Variants in MCTP2 observed in about 807,000 individuals in gnomAD.
MCTP2 encodes multiple C2 and transmembrane domain-containing protein 2.
MCTP2 carries 132 observed loss-of-function variants against 111.6 expected under a neutral mutation model. That is an observed-to-expected ratio of 1.18 (90% CI 1.03 to 1.37). The LOEUF (loss-of-function observed/expected upper bound fraction) is 1.37. Ranked by LOEUF, MCTP2 falls within the 40% of genes most tolerant of loss-of-function variation. The probability of loss-of-function intolerance (pLI) is 0.00; values close to 1 mark genes in which losing one functional copy is unlikely to be tolerated. For missense variants in MCTP2, 1,183 were observed against 1,067.9 expected, an observed-to-expected ratio of 1.11 and a Z score of -1.50; for synonymous variants, 395 against 387.7, an observed-to-expected ratio of 1.02 and a Z score of -0.22.
chr15:94,281,033 G>C (rs975945340), intron 1 of MCTP2, among the ~76,000 whole-genome samples: 3 of 152,112 alleles, frequency 2.0e-5, no homozygotes, highest in African/African-American at 7.2e-5. Flanking sequence ...AGATGAGAAT[G>C]TATATTCTGT....
chr15:94,259,536 T>C (rs2073053480), intron 1 of MCTP2, among the ~76,000 whole-genome samples: 1 of 152,206 alleles, frequency 6.6e-6, no homozygotes, highest in African/African-American at 2.4e-5. Flanking sequence ...CTATTTCTGT[T>C]CTATGTAGTA....
intron 17 of MCTP2, among the ~76,000 whole-genome samples, chr15:94,410,206 A>C (rs2082094294): frequency 6.6e-6 from 1 of 152,096 alleles, no homozygotes; most frequent in Non-Finnish European, 1.5e-5. Context: ...GCTAAAACAC[A>C]CACACACACT....
chr15:94,285,968 A>C (rs1262435368), intron 1 of MCTP2, among the ~76,000 whole-genome samples: 1 of 152,174 alleles, frequency 6.6e-6, no homozygotes, highest in East Asian at 1.9e-4. Flanking sequence ...ACGTGGTATA[A>C]TTTTAAATAG....
intron 17 of MCTP2, among the ~76,000 whole-genome samples, chr15:94,414,909 C>A (rs2082307156): frequency 6.6e-6 from 1 of 152,060 alleles, no homozygotes; most frequent in African/African-American, 2.4e-5. Flanking sequence ...GAGATCTGGA[C>A]CTACCACCAG....
chr15:94,397,027 G>A (rs572208087), intron 14 of MCTP2, among the ~76,000 whole-genome samples: 2 of 152,250 alleles, frequency 1.3e-5, no homozygotes, highest in South Asian at 2.1e-4. Context: ...CCAAATTCCT[G>A]TCTAATTTAT....
chr15:94,321,827 G>A lies in MCTP2; in HGVS notation c.637+6190G>A, dbSNP rs369617101. Among the ~76,000 whole-genome samples the A allele has an allele frequency of 5.9e-5, 9 of 152,126 alleles. No homozygotes were observed. In the East Asian group the frequency reaches 9.6e-4, roughly 16 times the overall value. On this transcript the variant is annotated intron_variant, in intron 4 of 22. Transcript: ENST00000357742. The stretch of plus-strand genomic sequence containing the variant: ...GCCTTACTGATAACATAAACAGCCC[G>A]TTGGCATATATTTTGTATATGTATT...
At chr15:94,461,912 A>T (rs918249257) in intron 20 of MCTP2, among the ~76,000 whole-genome samples, 5 of 152,202 alleles carry the variant, frequency 3.3e-5, no homozygotes, top group African/African-American at 7.2e-5. Context: ...ATCAAGAGTG[A>T]CATGTCAAAA....
chr15:94,366,890 G>A (rs11634470), intron 10 of MCTP2, among the ~76,000 whole-genome samples: 1 of 152,068 alleles, frequency 6.6e-6, no homozygotes, highest in Admixed American at 6.6e-5. Flanking sequence ...GTATTTAAAT[G>A]TGTTTGAGGT....
chr15:94,245,189 C>G (rs2071727393), intron 1 of MCTP2, among the ~76,000 whole-genome samples: 2 of 142,868 alleles, frequency 1.4e-5, no homozygotes. Flanking sequence ...TTTATACACA[C>G]ATATGTATGT....
intron 17 of MCTP2, among the ~76,000 whole-genome samples, chr15:94,411,704 G>C (rs970692466): frequency 6.6e-6 from 1 of 152,078 alleles, no homozygotes; most frequent in Non-Finnish European, 1.5e-5. Context: ...ATGTGTTTTA[G>C]AGGGAGATTT....
At chr15:94,450,230 T>G (rs959292144) in intron 19 of MCTP2, among the ~76,000 whole-genome samples, 4 of 152,244 alleles carry the variant, frequency 2.6e-5, no homozygotes, top group African/African-American at 9.6e-5. Context: ...CTATTTTATA[T>G]TCATTTCCCA....
chr15:94,417,017 T>C (rs1239218658), intron 17 of MCTP2, among the ~76,000 whole-genome samples: 2 of 152,168 alleles, frequency 1.3e-5, no homozygotes, highest in African/African-American at 4.8e-5. Flanking sequence ...CAAAGTTTTA[T>C]TGTTTAGAAG....
intron 1 of MCTP2, among the ~76,000 whole-genome samples, chr15:94,243,696 TGC>T (rs2071340898): frequency 1.4e-5 from 2 of 140,756 alleles, no homozygotes; most frequent in South Asian, 4.4e-4. Flanking sequence ...CACATACATA[TGC>T]GTATATACAC....
At chr15:94,360,558 A>G (rs1335799239) in intron 10 of MCTP2, among the ~76,000 whole-genome samples, 2 of 152,224 alleles carry the variant, frequency 1.3e-5, no homozygotes, top group African/African-American at 2.4e-5. Flanking sequence ...CAGTGGGAAC[A>G]GGGGCCTCCT....
intron 3 of MCTP2, 134 bp from the exon 4 acceptor site, chr15:94,315,391 TAGTG>T (rs750934651): frequency 4.9e-5 from 30 of 609,488 alleles, no homozygotes; most frequent in Non-Finnish European, 8.5e-5. Context: ...CAAGTTGTCA[TAGTG>T]AGGAGGAGTT....
At chr15:94,402,080 G>A (rs1322119858) in intron 17 of MCTP2, 61 bp downstream of exon 17, 13 of 1,585,520 alleles carry the variant, frequency 8.2e-6, no homozygotes, top group Non-Finnish European at 1.0e-5. Context: ...TCATCTTTCT[G>A]AAATATATTA....
At chr15:94,344,757 T>G (rs993011434) in intron 7 of MCTP2, among the ~76,000 whole-genome samples, 5 of 152,226 alleles carry the variant, frequency 3.3e-5, no homozygotes, top group Admixed American at 1.3e-4. Context: ...GTCATGAATT[T>G]CTTAAACATT....
intron 10 of MCTP2, among the ~76,000 whole-genome samples, chr15:94,364,249 G>A (rs2079076028): frequency 6.6e-6 from 1 of 151,924 alleles, no homozygotes; most frequent in Admixed American, 6.6e-5. Context: ...ATGGTACAAG[G>A]GCTGATTTTA....
intron 12 of MCTP2, among the ~76,000 whole-genome samples, chr15:94,374,206 CAT>C (rs950849759): frequency 6.6e-6 from 1 of 152,108 alleles, no homozygotes; most frequent in African/African-American, 2.4e-5. Context: ...AAGTTAATCT[CAT>C]AAACTGTAAA....
Sources: gnomAD v4.1 joint callset for allele counts (sites outside exome capture counted in the v4.1 genomes callset) on GRCh38, gnomAD v4.1.1 for gene constraint, MANE v1.5 for transcripts, NCBI Gene and HGNC (gene_info 2026-07-23, HGNC 2026-07-21) for gene names.